Variants in SLC27A1 observed in about 807,000 individuals in gnomAD.
SLC27A1 encodes long-chain fatty acid transport protein 1.
SLC27A1 carries 61 observed loss-of-function variants against 62.2 expected under a neutral mutation model. The ratio of observed to expected loss-of-function variants is 0.98; its 90% CI spans 0.80 to 1.21. SLC27A1 has a LOEUF of 1.21. Among genes scored for constraint, SLC27A1 ranks in the 50% most tolerant of loss-of-function variants. The pLI is 0.00. For missense variants in SLC27A1, 903 were observed against 932.1 expected, an observed-to-expected ratio of 0.97 and a Z score of 0.41; for synonymous variants, 435 against 408.6, an observed-to-expected ratio of 1.06 and a Z score of -0.78.
At chr19:17,481,313 C>CTTT (rs1041522913) in intron 1 of SLC27A1, among the ~76,000 whole-genome samples, 20 of 127,272 alleles carry the variant, frequency 1.6e-4, no homozygotes, top group Non-Finnish European at 1.8e-4. Context: ...GGTTTAGTTC[C>CTTT]TTTTTTTTTT....
In SLC27A1 at chr19:17,500,542, C is replaced by T. The variant is rs201520356; in HGVS notation, c.1381C>T (p.Arg461Cys). Residue 461 changes from arginine (R) to cysteine (C), a missense_variant, in exon 9 of 12, where the codon CGC becomes TGC. Coordinates refer to ENST00000252595, the MANE Select transcript of SLC27A1 (RefSeq NM_198580.3). ...VGQINQQDPLRRFDGYVSESA... is the reference protein window; with the variant it reads ...VGQINQQDPLCRFDGYVSESA... ...TCAGATCAACCAACAGGACCCGCTG[C>T]GCCGCTTCGATGGCTATGTCAGCGA... The T allele has an allele frequency of 1.2e-5, 20 of 1,613,502 alleles. No homozygotes were observed. Among genetic ancestry groups the T allele is most frequent in the Middle Eastern group, 1.6e-4 (1 of 6,062 alleles).
At chr19:17,469,730 G>A (rs375525669), upstream of SLC27A1, among the ~76,000 whole-genome samples, 15 of 151,880 alleles carry the variant, frequency 9.9e-5, no homozygotes, top group African/African-American at 3.1e-4. Context: ...CTAGGTCCTA[G>A]GGGGGCCGGA....
chr19:17,494,876 T>G (rs1435414815), intron 6 of SLC27A1, among the ~76,000 whole-genome samples: 1 of 151,910 alleles, frequency 6.6e-6, no homozygotes, highest in Non-Finnish European at 1.5e-5. Flanking sequence ...GCCAGAGATT[T>G]GCGCCCTATG....
chr19:17,480,051 G>A (rs1807134), intron 1 of SLC27A1, among the ~76,000 whole-genome samples: 80,349 of 151,716 alleles, frequency 0.53, 21,950 homozygotes, highest in African/African-American at 0.63. Flanking sequence ...TTTTTGAGAC[G>A]GAGTCTCACT....
At chr19:17,468,910 G>C (rs2075048080), upstream of SLC27A1, 1 of 152,410 alleles carries the variant, frequency 6.6e-6, no homozygotes, top group African/African-American at 2.4e-5. Context: ...AAGGGTCCAG[G>C]AGTCTGCAGA....
At chr19:17,494,528 T>C (rs969738538) in intron 6 of SLC27A1, among the ~76,000 whole-genome samples, 19 of 151,652 alleles carry the variant, frequency 1.3e-4, no homozygotes, top group African/African-American at 4.6e-4. Flanking sequence ...GGTTTCACCA[T>C]GTTGGCCAGG....
At chr19:17,502,337 TTTTTTTG>T (rs201234453) in intron 11 of SLC27A1, among the ~76,000 whole-genome samples, 9,067 of 56,832 alleles carry the variant, frequency 0.16, 1,896 homozygotes, top group Non-Finnish European at 0.19. Context: ...GAAATAGTGT[TTTTTTTG>T]TTTTTTTTTT....
At position 17,504,316 on chromosome 19, in the gene SLC27A1, A is replaced by AG. The variant is rs2075451133; in HGVS notation, c.1784-137dup. The AG allele has an allele frequency of 2.8e-6, 3 of 1,072,758 alleles. No individual in the cohort carries two copies. The South Asian group carries it at 4.4e-5, about 16-fold the overall frequency. The allele number at this position is 1,072,758 out of a possible 1,614,324, so 66.5% of individuals were successfully genotyped here. On this transcript the variant is annotated intron_variant, in intron 11 of 11. Coordinates refer to ENST00000252595, the MANE Select transcript of SLC27A1 (RefSeq NM_198580.3). ...AGGATCTGACAGACAAGGGGGAATCAGGCAGGCAAAATGGGGAAGAACATT... is the reference window on the plus strand; with the variant it reads ...AGGATCTGACAGACAAGGGGGAATCAGGGCAGGCAAAATGGGGAAGAACATT...
At chr19:17,469,511 G>A (rs937285653), upstream of SLC27A1, among the ~76,000 whole-genome samples, 4 of 152,132 alleles carry the variant, frequency 2.6e-5, no homozygotes, top group Non-Finnish European at 4.4e-5. Context: ...GGACACGTGT[G>A]TTTCCTAAAA....
Position 17,505,583 on chromosome 19 carries a change from CTG to C in SLC27A1, c.*974_*975del, listed in dbSNP as rs2075471307. The C allele has an allele frequency of 6.5e-6, 1 of 153,420 alleles. No homozygotes were observed. Among genetic ancestry groups the C allele is most frequent in the Admixed American group, 6.5e-5 (1 of 15,324 alleles). The allele number at this position is 153,420 out of a possible 1,614,324, so 9.5% of individuals were successfully genotyped here. On this transcript the variant is annotated 3_prime_UTR_variant, in exon 12 of 12. Transcript: ENST00000252595. ...ATGCCCTGAAAGCTTCCGGAATTGA[CTG>C]TGACCACTTGGATGTCACCACTGTC...
intron 1 of SLC27A1, among the ~76,000 whole-genome samples, chr19:17,473,303 G>A (rs1025126881): frequency 1.3e-5 from 2 of 152,212 alleles, no homozygotes; most frequent in East Asian, 1.9e-4. Context: ...GTGAGGTTAT[G>A]AGTCATCGAT....
At chr19:17,490,379 C>G (rs2144588022) in intron 6 of SLC27A1, among the ~76,000 whole-genome samples, 1 of 152,150 alleles carries the variant, frequency 6.6e-6, no homozygotes, top group South Asian at 2.1e-4. Flanking sequence ...GTCTCAAACT[C>G]CTGGGTTCAA....
rs2075265244 is a variant in SLC27A1, at chr19:17,488,883, A to G, written c.830A>G (p.Tyr277Cys). ...YRMAAFGHHA[Y>C]RMQAADVLYD... ...ATGGCAGCCTTCGGCCACCACGCCT[A>G]CCGCATGCAGGCGGCTGACGTGCTC... Residue 277 changes from tyrosine (Y) to cysteine (C), a missense_variant, in exon 5 of 12, where the codon TAC becomes TGC. Transcript: ENST00000252595. 1 of 1,613,866 alleles carries G rather than the reference A, an allele frequency of 6.2e-7. No individual in the cohort carries two copies. The highest frequency in any genetic ancestry group is 8.5e-7 in the Non-Finnish European group (1 of 1,179,946).
At chr19:17,503,395 C>T (rs201745761) in intron 11 of SLC27A1, 1 of 152,204 alleles carries the variant, frequency 6.6e-6, no homozygotes, top group African/African-American at 2.4e-5. Context: ...TATTCTTGTG[C>T]AAAAGCAGCC....
At chr19:17,499,889 G>A in intron 7 of SLC27A1, 1 of 202,008 alleles carries the variant, frequency 5.0e-6, no homozygotes, top group South Asian at 9.7e-5. Flanking sequence ...AGGGTGTAGT[G>A]GCTCAAACAT....
chr19:17,477,240 C>CTTTTTTTTTTTTT (rs1221324202), intron 1 of SLC27A1, among the ~76,000 whole-genome samples: 569 of 43,822 alleles, frequency 0.013, 137 homozygotes, highest in Middle Eastern at 0.036. Flanking sequence ...ATGAGCAGCG[C>CTTTTTTTTTTTTT]TTTTTTTTTT....
chr19:17,500,696 C>T lies in SLC27A1; in HGVS notation c.1472-16C>T. ...ATGGGGATCCTCCACCCATCTGCCC[C>T]TCTCCCCTCTGCCAGGTGACGTGCT... is the stretch of plus-strand genomic sequence containing the variant. On this transcript the variant is annotated splice_polypyrimidine_tract_variant and intron_variant, in intron 9 of 11. Coordinates refer to ENST00000252595, the MANE Select transcript of SLC27A1 (RefSeq NM_198580.3). 6.2e-7 allele frequency: 1 copy of T among 1,614,058 alleles called. No homozygotes were observed. Among genetic ancestry groups the T allele is most frequent in the Non-Finnish European group, 8.5e-7 (1 of 1,179,936 alleles).
Position 17,500,853 on chromosome 19 carries a change from C to A in SLC27A1, c.1613C>A (p.Ala538Asp), listed in dbSNP as rs750622126. The A allele has an allele frequency of 6.2e-7, 1 of 1,609,970 alleles. No homozygotes were observed. Among genetic ancestry groups the A allele is most frequent in the South Asian group, 1.1e-5 (1 of 90,796 alleles). ...LSRLLGQTDV[A>D]VYGVAVPGVE... Reference sequence around the variant, plus strand: ...CGCCTGCTGGGCCAGACAGACGTGGCCGTCTATGGGGTGGCTGTTCCAGGC... The same window carrying A: ...CGCCTGCTGGGCCAGACAGACGTGGACGTCTATGGGGTGGCTGTTCCAGGC... The change falls in exon 10 of 12, where the codon GCC becomes GAC. Residue 538 changes from alanine to aspartate, a missense_variant. Physicochemically the swap from Ala to Asp is moderately radical, Grantham distance 126. Coordinates refer to ENST00000252595, the MANE Select transcript of SLC27A1 (RefSeq NM_198580.3).
intron 1 of SLC27A1, among the ~76,000 whole-genome samples, chr19:17,484,753 T>C (rs1290648645): frequency 5.3e-5 from 8 of 152,148 alleles, no homozygotes; most frequent in Non-Finnish European, 1.0e-4. Flanking sequence ...CATGAATGAA[T>C]GACCGAGAGG....
Sources: allele counts gnomAD v4.1 joint callset (sites outside exome capture counted in the v4.1 genomes callset), GRCh38; gene constraint gnomAD v4.1.1; transcripts MANE v1.5; gene names NCBI Gene and HGNC (gene_info 2026-07-23, HGNC 2026-07-21).